Variants in BABAM2 observed in about 807,000 individuals in gnomAD.
BABAM2 encodes the protein BRISC and BRCA1-A complex member 2.
Under a neutral mutation model 54.7 loss-of-function variants are expected in BABAM2, and 31 were observed. The observed-to-expected ratio is 0.57, with a 90% CI of 0.43 to 0.77. The LOEUF (loss-of-function observed/expected upper bound fraction) is 0.77. BABAM2 is among the 30% of genes least tolerant of loss of function. The probability of loss-of-function intolerance (pLI) is 0.00; values close to 1 mark genes in which losing one functional copy is unlikely to be tolerated. For synonymous variants in BABAM2, 167 were observed against 162.9 expected, an observed-to-expected ratio of 1.03 and a Z score of -0.19; for missense variants, 364 against 455.8, an observed-to-expected ratio of 0.80 and a Z score of 1.83.
intron 7 of BABAM2, among the ~76,000 whole-genome samples, chr2:28,175,671 GCCATCATCCAT>G (rs1674849053): frequency 6.6e-6 from 1 of 152,176 alleles, no homozygotes; most frequent in African/African-American, 2.4e-5. Flanking sequence ...CACTGCCGTG[GCCATCATCCAT>G]GCTATGCATG....
At chr2:28,206,719 A>T (rs190698743) in intron 7 of BABAM2, among the ~76,000 whole-genome samples, 2 of 152,294 alleles carry the variant, frequency 1.3e-5, no homozygotes, top group African/African-American at 4.8e-5. Flanking sequence ...GATTCTTTAT[A>T]TGCCTGCAGC....
intron 5 of BABAM2, among the ~76,000 whole-genome samples, chr2:28,038,263 A>T (rs1170389177): frequency 1.3e-5 from 2 of 152,060 alleles, no homozygotes; most frequent in African/African-American, 2.4e-5. Context: ...ACTTAGCTTT[A>T]AAAAAAATTC....
intron 7 of BABAM2, among the ~76,000 whole-genome samples, chr2:28,183,739 T>TCTCACA (rs1553336494): frequency 0.049 from 6,465 of 133,170 alleles, 175 homozygotes; most frequent in Admixed American, 0.063. Flanking sequence ...TGGATGAAGA[T>TCTCACA]CACACACACA....
At position 27,995,152 on chromosome 2, in the gene BABAM2, A is replaced by C. The variant is rs1478187383; in HGVS notation, c.300+7065A>C. Among the ~76,000 whole-genome samples the C allele has an allele frequency of 6.6e-6, 1 of 152,126 alleles. No homozygotes were observed. Among genetic ancestry groups the C allele is most frequent in the Non-Finnish European group, 1.5e-5 (1 of 68,000 alleles). ...AGGCTACGGGAAGATGAAGACCTTC[A>C]CTGGGGTGCTGTGGGCCAGAATTGG... On this transcript the variant is annotated intron_variant, in intron 4 of 11. Transcript: ENST00000379624. The surrounding 1 kb of genome is among the most constrained non-coding windows in gnomAD (Gnocchi z 4.1).
At chr2:28,169,836 G>A (rs1462670131) in intron 7 of BABAM2, among the ~76,000 whole-genome samples, 1 of 147,248 alleles carries the variant, frequency 6.8e-6, no homozygotes, top group African/African-American at 2.5e-5. Flanking sequence ...CAGCATAACA[G>A]AATCCTGTTA....
intron 7 of BABAM2, among the ~76,000 whole-genome samples, chr2:28,219,378 T>A (rs1573867678): frequency 6.6e-6 from 1 of 152,360 alleles, no homozygotes; most frequent in African/African-American, 2.4e-5. Context: ...TGTCATCATA[T>A]TTCTCTGACT....
chr2:28,230,763 C>A (rs1291529621), intron 7 of BABAM2, among the ~76,000 whole-genome samples: 1 of 151,332 alleles, frequency 6.6e-6, no homozygotes, highest in Admixed American at 6.6e-5. Flanking sequence ...AAACTGGAGC[C>A]TCTCCTTAAT....
At chr2:28,239,616 A>G (rs1054159216) in intron 8 of BABAM2, among the ~76,000 whole-genome samples, 3 of 152,234 alleles carry the variant, frequency 2.0e-5, no homozygotes, top group African/African-American at 7.2e-5. Context: ...TTAAAATGAG[A>G]GAAGTATTAT....
chr2:28,004,942 T>C (rs1673851947), intron 4 of BABAM2, among the ~76,000 whole-genome samples: 1 of 152,218 alleles, frequency 6.6e-6, no homozygotes, highest in African/African-American at 2.4e-5. Flanking sequence ...TGGGAATTAT[T>C]TTTAAAAAGC....
intron 11 of BABAM2, among the ~76,000 whole-genome samples, chr2:28,331,144 C>T (rs112209407): frequency 0.081 from 12,320 of 152,192 alleles, 682 homozygotes; most frequent in African/African-American, 0.16. Flanking sequence ...ACTGGACCGT[C>T]TCCTTACACC....
intron 6 of BABAM2, among the ~76,000 whole-genome samples, chr2:28,074,101 T>G (rs1204697717): frequency 6.6e-6 from 1 of 152,184 alleles, no homozygotes; most frequent in Non-Finnish European, 1.5e-5. Context: ...TTTCCTATAA[T>G]TTTTATGACT....
At chr2:27,963,486 A>G (rs1045420737) in intron 3 of BABAM2, among the ~76,000 whole-genome samples, 19 of 151,326 alleles carry the variant, frequency 1.3e-4, no homozygotes, top group Non-Finnish European at 1.6e-4. Context: ...AAAAAAAAAA[A>G]AAAAAAAGAA....
At chr2:28,053,778 T>C (rs1345201006) in intron 6 of BABAM2, among the ~76,000 whole-genome samples, 2 of 152,132 alleles carry the variant, frequency 1.3e-5, no homozygotes, top group Non-Finnish European at 2.9e-5. Context: ...ATTTTAGACT[T>C]GTGTGCCATA....
chr2:28,055,101 T>A (rs927869315), intron 6 of BABAM2, among the ~76,000 whole-genome samples: 1 of 152,202 alleles, frequency 6.6e-6, no homozygotes, highest in Non-Finnish European at 1.5e-5. Context: ...AATGAGATCA[T>A]GTCTTTTGCA....
intron 7 of BABAM2, among the ~76,000 whole-genome samples, chr2:28,176,832 C>A (rs1675043426): frequency 2.4e-5 from 3 of 123,664 alleles, no homozygotes; most frequent in South Asian, 4.8e-4. Flanking sequence ...TGAAATAACC[C>A]AGTCAGAACA....
chr2:28,124,300 TAA>T (rs959333210), intron 6 of BABAM2, among the ~76,000 whole-genome samples: 4 of 152,230 alleles, frequency 2.6e-5, no homozygotes, highest in Admixed American at 2.6e-4. Context: ...TGACGAGTGT[TAA>T]AGTCATATTA....
intron 4 of BABAM2, among the ~76,000 whole-genome samples, chr2:28,001,273 G>A (rs1673560156): frequency 6.6e-6 from 1 of 152,172 alleles, no homozygotes; most frequent in African/African-American, 2.4e-5. Flanking sequence ...ATGTACTGAC[G>A]TCTGCCTTCC....
intron 2 of BABAM2, among the ~76,000 whole-genome samples, chr2:27,927,315 T>G (rs1405834783): frequency 1.3e-5 from 2 of 152,234 alleles, no homozygotes; most frequent in African/African-American, 4.8e-5. Flanking sequence ...CCTGACGATT[T>G]CCTGTACTTC....
At chr2:28,036,613 G>A (rs566489385) in intron 5 of BABAM2, among the ~76,000 whole-genome samples, 14 of 152,120 alleles carry the variant, frequency 9.2e-5, no homozygotes, top group Non-Finnish European at 1.3e-4. Context: ...AAATAGAAAG[G>A]AAAATGAAGT....
Sources: gnomAD v4.1 joint callset for allele counts (sites outside exome capture counted in the v4.1 genomes callset) on GRCh38, gnomAD v4.1.1 for gene constraint, Gnocchi (gnomAD v3.1) non-coding constraint, MANE v1.5 for transcripts, NCBI Gene and HGNC (gene_info 2026-07-23, HGNC 2026-07-21) for gene names.